The following SRBD1 variants were observed in gnomAD, a reference collection of about 807,000 sequenced individuals.
SRBD1 encodes the protein S1 RNA binding domain 1.
A neutral mutation model predicts 115.3 loss-of-function variants in SRBD1; 88 were observed. The observed-to-expected ratio is 0.76, with a 90% CI of 0.64 to 0.91. SRBD1 has a LOEUF of 0.91. Ranked by LOEUF, SRBD1 falls within the 40% of genes least tolerant of loss-of-function variation. The pLI is 0.00. For missense variants in SRBD1, 1,385 were observed against 1,177.4 expected, an observed-to-expected ratio of 1.18 and a Z score of -2.58; for synonymous variants, 509 against 407.7, an observed-to-expected ratio of 1.25 and a Z score of -2.99.
intron 15 of SRBD1, among the ~76,000 whole-genome samples, chr2:45,482,877 A>C (rs1339481110): frequency 6.6e-6 from 1 of 152,094 alleles, no homozygotes; most frequent in Non-Finnish European, 1.5e-5. Context: ...ACTTTAAATC[A>C]CCTATAGGTT....
At chr2:45,511,723 C>A (rs1670976722) in intron 14 of SRBD1, among the ~76,000 whole-genome samples, 1 of 152,154 alleles carries the variant, frequency 6.6e-6, no homozygotes. Context: ...TCATAAGAAG[C>A]CTCTTAGACT....
intron 14 of SRBD1, among the ~76,000 whole-genome samples, chr2:45,506,955 T>C (rs979462874): frequency 2.0e-5 from 3 of 152,212 alleles, no homozygotes; most frequent in East Asian, 3.8e-4. Flanking sequence ...CTTAATTGAT[T>C]CCAGACTTCC....
chr2:45,565,029 G>A (rs1672783962), intron 9 of SRBD1, among the ~76,000 whole-genome samples: 2 of 151,984 alleles, frequency 1.3e-5, no homozygotes, highest in African/African-American at 2.4e-5. Context: ...GGGATCAGAG[G>A]GCCTAATATT....
At chr2:45,529,903 T>C (rs1671561252) in intron 14 of SRBD1, among the ~76,000 whole-genome samples, 1 of 152,052 alleles carries the variant, frequency 6.6e-6, no homozygotes, top group Admixed American at 6.6e-5. Flanking sequence ...ATCCCTCAAA[T>C]TTTTGGTGAT....
intron 20 of SRBD1, 83 bp downstream of exon 20, chr2:45,392,862 G>T: frequency 8.1e-7 from 1 of 1,235,090 alleles, no homozygotes; most frequent in South Asian, 1.8e-5. Context: ...TTCTGCTTAT[G>T]GCATAGGATT....
At chr2:45,444,478 A>T (rs969888538) in intron 16 of SRBD1, among the ~76,000 whole-genome samples, 9 of 152,140 alleles carry the variant, frequency 5.9e-5, no homozygotes, top group African/African-American at 1.9e-4. Context: ...AATTTTTTTT[A>T]AATCTTTTTT....
At chr2:45,405,336 T>G (rs1454765362) in intron 19 of SRBD1, among the ~76,000 whole-genome samples, 1 of 152,102 alleles carries the variant, frequency 6.6e-6, no homozygotes, top group African/African-American at 2.4e-5. Context: ...GTTTGTCTTG[T>G]TTTTGTGTGG....
intron 16 of SRBD1, among the ~76,000 whole-genome samples, chr2:45,472,878 T>C (rs1202137105): frequency 6.6e-6 from 1 of 152,154 alleles, no homozygotes; most frequent in Non-Finnish European, 1.5e-5. Context: ...AGTTCTATTT[T>C]GTCTAAGGTC....
At chr2:45,553,498 T>C (rs533315750) in intron 11 of SRBD1, 125 bp downstream of exon 11, 4 of 515,680 alleles carry the variant, frequency 7.8e-6, no homozygotes, top group Non-Finnish European at 1.3e-5. Context: ...CTTTAACACT[T>C]TGTGATGCTG....
intron 16 of SRBD1, among the ~76,000 whole-genome samples, chr2:45,454,305 T>C (rs756461501): frequency 4.6e-5 from 7 of 151,892 alleles, no homozygotes; most frequent in Non-Finnish European, 8.8e-5. Context: ...TGGGAGAGTT[T>C]TGTCAATCTC....
intron 16 of SRBD1, among the ~76,000 whole-genome samples, chr2:45,433,844 A>G (rs1273865601): frequency 6.6e-6 from 1 of 152,254 alleles, no homozygotes; most frequent in Non-Finnish European, 1.5e-5. Flanking sequence ...TTCTTTTAAA[A>G]ATACATACTT....
chr2:45,580,511 A>ATTTTTTTT (rs1227093467), intron 6 of SRBD1, among the ~76,000 whole-genome samples: 2 of 85,804 alleles, frequency 2.3e-5, no homozygotes, highest in Non-Finnish European at 4.3e-5. Flanking sequence ...ACGTCCAGCT[A>ATTTTTTTT]TTTTTTTTTT....
At chr2:45,505,925 A>G (rs966343212) in intron 14 of SRBD1, among the ~76,000 whole-genome samples, 3 of 152,188 alleles carry the variant, frequency 2.0e-5, no homozygotes, top group African/African-American at 7.2e-5. Context: ...GGTTTTCCCA[A>G]TAATAAGAAA....
chr2:45,604,872 ACT>A (rs1674217089), intron 2 of SRBD1, among the ~76,000 whole-genome samples: 1 of 152,026 alleles, frequency 6.6e-6, no homozygotes. Flanking sequence ...ACCTAATATG[ACT>A]CTAAAGCAGA....
intron 1 of SRBD1, among the ~76,000 whole-genome samples, chr2:45,607,634 A>C (rs1290436241): frequency 6.6e-6 from 1 of 152,236 alleles, no homozygotes; most frequent in Non-Finnish European, 1.5e-5. Context: ...TCTAAAAAAA[A>C]AAAATTCATA....
chr2:45,446,330 C>A (rs1181394946), intron 16 of SRBD1, among the ~76,000 whole-genome samples: 2 of 152,108 alleles, frequency 1.3e-5, no homozygotes, highest in African/African-American at 4.8e-5. Flanking sequence ...AACTGCAAGT[C>A]TTGAGACCCT....
At chr2:45,476,555 C>T (rs1669808752) in intron 16 of SRBD1, among the ~76,000 whole-genome samples, 1 of 152,108 alleles carries the variant, frequency 6.6e-6, no homozygotes, top group Non-Finnish European at 1.5e-5. Flanking sequence ...ATTAAAAATA[C>T]AGTAACAACA....
chr2:45,410,915 C>T (rs1667583520), intron 19 of SRBD1, among the ~76,000 whole-genome samples: 1 of 152,126 alleles, frequency 6.6e-6, no homozygotes, highest in African/African-American at 2.4e-5. Context: ...ATACCTTTCC[C>T]TATACATCTT....
chr2:45,524,085 G>T (rs1671367918), intron 14 of SRBD1, among the ~76,000 whole-genome samples: 1 of 151,942 alleles, frequency 6.6e-6, no homozygotes, highest in Non-Finnish European at 1.5e-5. Context: ...AAAAAAAGGA[G>T]TTTGACAGAA....
Sources: gnomAD v4.1 joint callset for allele counts (sites outside exome capture counted in the v4.1 genomes callset) on GRCh38, gnomAD v4.1.1 for gene constraint, MANE v1.5 for transcripts, NCBI Gene and HGNC (gene_info 2026-07-23, HGNC 2026-07-21) for gene names.